The following DNAH7 variants were observed in gnomAD, a reference collection of about 807,000 sequenced individuals.
DNAH7 encodes axonemal beta dynein heavy chain 7.
In DNAH7, 397 loss-of-function variants were observed where a neutral mutation model predicts 444.6. The ratio of observed to expected loss-of-function variants is 0.89; its 90% CI spans 0.82 to 0.97. The LOEUF is 0.97. DNAH7 is among the 50% of genes least tolerant of loss of function. DNAH7 has a pLI of 0.00. For synonymous variants in DNAH7, 1,636 were observed against 1,624.4 expected, an observed-to-expected ratio of 1.01 and a Z score of -0.17; for missense variants, 4,902 against 4,800.8, an observed-to-expected ratio of 1.02 and a Z score of -0.62.
chr2:196,060,070 T>C (rs1046587407), intron 1 of DNAH7, among the ~76,000 whole-genome samples: 1 of 151,928 alleles, frequency 6.6e-6, no homozygotes, highest in African/African-American at 2.4e-5. Flanking sequence ...AAAAAACAAT[T>C]AGCCGGGTGT....
chr2:195,883,755 T>C (rs186606566), intron 35 of DNAH7, among the ~76,000 whole-genome samples: 6 of 152,230 alleles, frequency 3.9e-5, no homozygotes, highest in Middle Eastern at 3.4e-3. Flanking sequence ...TAGCAATACA[T>C]TGCAAGAACC....
intron 61 of DNAH7, among the ~76,000 whole-genome samples, chr2:195,759,671 T>G (rs896283650): frequency 1.4e-4 from 22 of 152,088 alleles, no homozygotes; most frequent in Non-Finnish European, 2.8e-4. Context: ...GGCAACATGG[T>G]GAAACCCCGT....
intron 8 of DNAH7, among the ~76,000 whole-genome samples, chr2:196,021,176 G>C (rs987221065): frequency 1.2e-4 from 18 of 151,990 alleles, no homozygotes; most frequent in African/African-American, 4.4e-4. Flanking sequence ...TCTGAAGTCT[G>C]TGCTAGTTGC....
At chr2:195,939,599 T>C (rs1318958333) in intron 19 of DNAH7, among the ~76,000 whole-genome samples, 1 of 152,150 alleles carries the variant, frequency 6.6e-6, no homozygotes, top group Admixed American at 6.6e-5. Context: ...CTTTAATTAC[T>C]TTCTGTCTCC....
chr2:195,941,451 C>CAAAAAAAAAAAAA (rs1207029040), intron 19 of DNAH7, among the ~76,000 whole-genome samples: 4 of 56,774 alleles, frequency 7.0e-5, no homozygotes, highest in Admixed American at 2.0e-4. Context: ...ACCTAGATGA[C>CAAAAAAAAAAAAA]AAAAAAAAAA....
intron 11 of DNAH7, 72 bp from the exon 12 acceptor site, chr2:196,000,955 C>T (rs1000998449): frequency 8.2e-7 from 1 of 1,223,852 alleles, no homozygotes; most frequent in Admixed American, 2.7e-5. Context: ...ACACCAGTCC[C>T]AATTAGAATA....
rs988172696 is a variant in DNAH7, at chr2:196,068,806, C to T, written c.-95G>A. 5.4e-6 allele frequency: 8 copies of T among 1,480,566 alleles called. No individual in the cohort carries two copies. Among genetic ancestry groups the T allele is most frequent in the East Asian group, 5.0e-5 (2 of 39,632 alleles). 91.7% of individuals were successfully genotyped at this position (1,480,566 alleles called of 1,614,324 possible). On this transcript the variant is annotated 5_prime_UTR_variant, in exon 1 of 65. Coordinates refer to ENST00000312428, the MANE Select transcript of DNAH7 (RefSeq NM_018897.3). ...AGAGGCAGGGCCCCGGGACTTGCAG[C>T]GGTCTCAGCTCCCTCCGCACCAGAG...
intron 28 of DNAH7, 69 bp from the exon 29 acceptor site, chr2:195,897,834 G>C (rs181151957): frequency 1.2e-6 from 1 of 824,426 alleles, no homozygotes; most frequent in Non-Finnish European, 1.9e-6. Context: ...CTTCGTGTTC[G>C]CATACACACA....
chr2:195,864,775 T>C lies in DNAH7; in HGVS notation c.6880A>G (p.Met2294Val), dbSNP rs751919152. ...REIADVDNLR[M>V]IVEIHLEEYN... ...TCTTCTAGGTGAATTTCTACTATCATTCGAAGATTATCCACATCTGCGATT... is the reference window on the plus strand; with the variant it reads ...TCTTCTAGGTGAATTTCTACTATCACTCGAAGATTATCCACATCTGCGATT... The change falls in exon 41 of 65, where the codon ATG (methionine) becomes GTG (valine). Residue 2294 changes from methionine to valine, a missense_variant. Transcript: ENST00000312428. The C allele has an allele frequency of 2.5e-6, 4 of 1,614,226 alleles. No individual in the cohort carries two copies. The highest frequency in any genetic ancestry group is 3.4e-6 in the Non-Finnish European group (4 of 1,180,026).
At chr2:195,799,861 G>A (rs1022147741) in intron 54 of DNAH7, among the ~76,000 whole-genome samples, 1 of 152,120 alleles carries the variant, frequency 6.6e-6, no homozygotes, top group Non-Finnish European at 1.5e-5. Context: ...ACATCATCCA[G>A]AAAGAATTGA....
chr2:195,758,782 G>T (rs1272482783), intron 61 of DNAH7, among the ~76,000 whole-genome samples: 2 of 152,178 alleles, frequency 1.3e-5, no homozygotes, highest in African/African-American at 2.4e-5. Flanking sequence ...GTGCTTTCCT[G>T]TCACAGAAGA....
intron 31 of DNAH7, 21 bp from the exon 32 acceptor site, chr2:195,889,002 C>G (rs368829480): frequency 1.5e-4 from 240 of 1,591,006 alleles, no homozygotes; most frequent in Non-Finnish European, 2.0e-4. Context: ...CATATGTGAA[C>G]AGAGGGCAAA....
chr2:195,992,963 C>T (rs1414623687), intron 12 of DNAH7, among the ~76,000 whole-genome samples: 3 of 152,184 alleles, frequency 2.0e-5, no homozygotes, highest in Non-Finnish European at 4.4e-5. Context: ...ACAGTGGGAG[C>T]CCCCTGTTCC....
At chr2:195,780,638 C>G (rs910884383) in intron 58 of DNAH7, among the ~76,000 whole-genome samples, 3 of 151,988 alleles carry the variant, frequency 2.0e-5, no homozygotes, top group Admixed American at 1.3e-4. Flanking sequence ...GTAACCCCAG[C>G]TACTCAGGAG....
chr2:195,864,092 G>A, intron 41 of DNAH7, 57 bp downstream of exon 41: 1 of 1,551,428 alleles, frequency 6.4e-7, no homozygotes, highest in East Asian at 2.3e-5. Flanking sequence ...AATAAGTCAT[G>A]ATGATAGTGG....
intron 55 of DNAH7, among the ~76,000 whole-genome samples, chr2:195,797,237 G>C (rs1696189857): frequency 6.6e-6 from 1 of 152,162 alleles, no homozygotes; most frequent in Admixed American, 6.6e-5. Context: ...AATTCTGTGG[G>C]AATGTTTTCC....
chr2:195,888,355 A>G lies in DNAH7; in HGVS notation c.5309T>C (p.Leu1770Ser). The G allele has an allele frequency of 6.2e-7, 1 of 1,610,338 alleles. No individual in the cohort carries two copies. Among genetic ancestry groups the G allele is most frequent in the Non-Finnish European group, 8.5e-7 (1 of 1,178,832 alleles). ...RPLMLSWVNL[L>S]PASVSVIQKE... ...TTGAATAACACTGACTGACGCAGGT[A>G]ACAGATTCACCCAGGACAACATCAG... The change falls in exon 33 of 65, where the codon TTA (leucine) becomes TCA (serine). Residue 1770 changes from leucine to serine, a missense_variant. Physicochemically the swap from Leu to Ser is moderately radical, Grantham distance 145 (BLOSUM62 -2). Transcript: ENST00000312428.
In DNAH7 at chr2:195,956,556, C is replaced by T. The variant is rs374265514; in HGVS notation, c.3078+705G>A. On this transcript the variant is annotated intron_variant, in intron 19 of 64. Coordinates refer to ENST00000312428, the MANE Select transcript of DNAH7 (RefSeq NM_018897.3). ...ATCTCAGTTACTTGGGAGGCTGAGG[C>T]GGGAGAATCACTTGAGCCTGGGAGG... Among the ~76,000 whole-genome samples the T allele has an allele frequency of 5.9e-5, 9 of 151,568 alleles. No homozygotes were observed. In the South Asian group the frequency reaches 6.3e-4, roughly 11 times the overall value.
At chr2:195,988,575 T>C (rs1004840090) in intron 12 of DNAH7, among the ~76,000 whole-genome samples, 2 of 152,158 alleles carry the variant, frequency 1.3e-5, no homozygotes, top group Non-Finnish European at 2.9e-5. Context: ...TAATTATACA[T>C]ATTTATGGAA....
Sources: gnomAD v4.1 joint callset for allele counts (sites outside exome capture counted in the v4.1 genomes callset) on GRCh38, gnomAD v4.1.1 for gene constraint, MANE v1.5 for transcripts, NCBI Gene and HGNC (gene_info 2026-07-23, HGNC 2026-07-21) for gene names.